The following PSG8 variants were observed in gnomAD, a reference collection of about 807,000 sequenced individuals.
The protein encoded by PSG8 is pregnancy-specific beta-1-glycoprotein 8.
Under a neutral mutation model 42.5 loss-of-function variants are expected in PSG8, and 57 were observed. The ratio of observed to expected loss-of-function variants is 1.34; its 90% CI spans 1.08 to 1.67. PSG8 has a LOEUF of 1.67. PSG8 is among the 40% of genes most tolerant of loss of function. PSG8 has a pLI of 0.00. For missense variants in PSG8, 783 were observed against 518.6 expected, an observed-to-expected ratio of 1.51 and a Z score of -4.95; for synonymous variants, 280 against 196.8, an observed-to-expected ratio of 1.42 and a Z score of -3.54.
At chr19:42,760,602 A>G (rs1285721366) in intron 2 of PSG8, among the ~76,000 whole-genome samples, 1 of 151,458 alleles carries the variant, frequency 6.6e-6, no homozygotes, top group Non-Finnish European at 1.5e-5. Context: ...TTTTTTTCTG[A>G]GACAGAGTCT....
intron 2 of PSG8, among the ~76,000 whole-genome samples, chr19:42,760,978 C>G (rs1202704665): frequency 1.3e-5 from 2 of 152,126 alleles, no homozygotes; most frequent in African/African-American, 2.4e-5. Flanking sequence ...ATATGCCTGA[C>G]AGGAAGCCAG....
At chr19:42,765,425 C>T in intron 1 of PSG8, 93 bp downstream of exon 1, 1 of 1,570,736 alleles carries the variant, frequency 6.4e-7, no homozygotes, top group Non-Finnish European at 8.7e-7. Context: ...GTGCTGGCTT[C>T]TTTCATTTTT....
intron 1 of PSG8, among the ~76,000 whole-genome samples, chr19:42,765,296 G>A (rs1970188714): frequency 6.6e-6 from 1 of 151,956 alleles, no homozygotes; most frequent in Non-Finnish European, 1.5e-5. Flanking sequence ...AGGATTAGAG[G>A]AGCACACCAC....
intron 2 of PSG8, among the ~76,000 whole-genome samples, chr19:42,761,140 A>G (rs1431667111): frequency 6.6e-6 from 1 of 152,122 alleles, no homozygotes; most frequent in African/African-American, 2.4e-5. Context: ...CAGTGACAGG[A>G]AACTAGCATG....
At chr19:42,752,965 C>G (rs1969819097), downstream of PSG8, 1 of 391,632 alleles carries the variant, frequency 2.6e-6, no homozygotes, top group South Asian at 4.1e-5. Flanking sequence ...GTTGAGATGA[C>G]ATATCTGACA....
chr19:42,754,997 T>A lies in PSG8; in HGVS notation c.979A>T (p.Asn327Tyr). The A allele has an allele frequency of 3.7e-6, 6 of 1,613,364 alleles. No homozygotes were observed. Among genetic ancestry groups the A allele is most frequent in the Non-Finnish European group, 5.1e-6 (6 of 1,179,756 alleles). Reference protein sequence around the residue: ...GGIRSYPVTLNVLYGPDLPRI... With the variant: ...GGIRSYPVTLYVLYGPDLPRI... Reference sequence around the variant, plus strand: ...AACAAAAGATACTCACAGAGGACATTCAGGGTGACTGGGTAACTGCGGATG... The same window carrying A: ...AACAAAAGATACTCACAGAGGACATACAGGGTGACTGGGTAACTGCGGATG... Residue 327 changes from asparagine (N) to tyrosine (Y), a missense_variant, in exon 4 of 5, where the codon AAT (asparagine) becomes TAT (tyrosine). Physicochemically the swap from Asn to Tyr is moderately radical, Grantham distance 143 (BLOSUM62 -2). Transcript: ENST00000306511.
intron 2 of PSG8, among the ~76,000 whole-genome samples, chr19:42,760,155 A>T (rs958331981): frequency 6.6e-6 from 1 of 151,842 alleles, no homozygotes; most frequent in Non-Finnish European, 1.5e-5. Context: ...CTAGAGTTTA[A>T]GTTTGTGTGA....
chr19:42,765,650 C>G lies in PSG8; in HGVS notation c.-69G>C. 6.3e-7 allele frequency: 1 copy of G among 1,582,428 alleles called. No homozygotes were observed. The highest frequency in any genetic ancestry group is 8.6e-7 in the Non-Finnish European group (1 of 1,158,394). ...GGATCCAGAAGCTTCCTGAGCACAG[C>G]TCTCAGCAGTGCTGTCCTGCCTCCT... is the stretch of plus-strand genomic sequence containing the variant. On this transcript the variant is annotated 5_prime_UTR_variant, in exon 1 of 5. Transcript: ENST00000306511.
At chr19:42,764,497 C>A (rs4803545) in intron 1 of PSG8, among the ~76,000 whole-genome samples, 126,562 of 151,316 alleles carry the variant, frequency 0.84, 53,543 homozygotes, top group East Asian at 1. Context: ...CAAGGTCAGC[C>A]CCATGACCCC....
intron 2 of PSG8, chr19:42,758,707 C>G (rs1222157014): frequency 1.4e-5 from 3 of 207,912 alleles, no homozygotes; most frequent in African/African-American, 6.8e-5. Context: ...CCAAGGACAT[C>G]CTAGAGATGG....
chr19:42,758,068 A>G lies in PSG8; in HGVS notation c.643T>C (p.Tyr215His). ...ACTGGGTTCCGTATTTCACATTCAT[A>G]GGGTCCTGCAGTGTACTTTGTGACA... ...LGVTKYTAGPYECEIRNPVSA... is the reference protein window; with the variant it reads ...LGVTKYTAGPHECEIRNPVSA... The change falls in exon 3 of 5, where the codon TAT becomes CAT. Residue 215 changes from tyrosine (Y) to histidine (H), a missense_variant. Physicochemically the swap from Tyr to His is moderately conservative, Grantham distance 83 (BLOSUM62 2). Coordinates refer to ENST00000306511, the MANE Select transcript of PSG8 (RefSeq NM_182707.3). 1.2e-6 allele frequency: 2 copies of G among 1,614,036 alleles called. No homozygotes were observed. Among genetic ancestry groups the G allele is most frequent in the South Asian group, 1.1e-5 (1 of 91,068 alleles).
In PSG8 at chr19:42,754,294, C is replaced by T. The variant is rs1468894429; in HGVS notation, c.*1G>A. 3 of 1,612,966 alleles carry T rather than the reference C, an allele frequency of 1.9e-6. No individual in the cohort carries two copies. Among genetic ancestry groups the T allele is most frequent in the Admixed American group, 1.7e-5 (1 of 59,936 alleles). On this transcript the variant is annotated 3_prime_UTR_variant, in exon 5 of 5. Coordinates refer to ENST00000306511, the MANE Select transcript of PSG8 (RefSeq NM_182707.3). The stretch of plus-strand genomic sequence containing the variant: ...TTCCCTGAAGGCCAGATAGACTCCA[C>T]CTAAATCCCTATTGCCAAGGATACT...
At chr19:42,756,582 A>G (rs969999197) in intron 3 of PSG8, among the ~76,000 whole-genome samples, 6 of 152,108 alleles carry the variant, frequency 3.9e-5, no homozygotes, top group East Asian at 1.9e-4. Context: ...TCAGATTAGT[A>G]GGCAAAAGTG....
At chr19:42,753,829 G>A (rs949241023), downstream of PSG8, 37 of 441,988 alleles carry the variant, frequency 8.4e-5, no homozygotes, top group South Asian at 1.6e-4. Flanking sequence ...GCAGATTGTT[G>A]CTGTACTTGT....
intron 4 of PSG8, 151 bp from the exon 5 acceptor site, chr19:42,754,738 G>T (rs1969873130): frequency 3.8e-6 from 5 of 1,300,798 alleles, no homozygotes; most frequent in East Asian, 2.5e-5. Flanking sequence ...GAATCCTCAG[G>T]TATTCACCTG....
In PSG8 at chr19:42,754,385, A is replaced by T; in HGVS notation, c.1191T>A (p.Arg397=). The change falls in exon 5 of 5, where the codon CGT becomes CGA. Residue 397 remains arginine, a synonymous_variant. Coordinates refer to ENST00000306511, the MANE Select transcript of PSG8 (RefSeq NM_182707.3). ...AGCTTTCCTTGCCAGTGGCTGAGTT[A>T]CGAACAGAGCAAGCATAGAGCCCGC... ...KHSGLYACSV[R]NSATGKESSK... is the part of the protein sequence containing the mutation. 6.2e-7 allele frequency: 1 copy of T among 1,613,840 alleles called. No individual in the cohort carries two copies. Among genetic ancestry groups the T allele is most frequent in the South Asian group, 1.1e-5 (1 of 91,064 alleles).
At position 42,764,868 on chromosome 19, in the gene PSG8, C is replaced by T. The variant is rs576475291; in HGVS notation, c.65-587G>A. ...ATGTGAGAGTTCTCAGGGCCCTCCA[C>T]GCCCTTGGTGTTTTTTTTTCCCCCC... On this transcript the variant is annotated intron_variant, in intron 1 of 4. Transcript: ENST00000306511. Among the ~76,000 whole-genome samples the T allele has an allele frequency of 6.3e-4, 96 of 152,150 alleles. 1 individual carries two copies. The highest frequency in any genetic ancestry group is 6.8e-3 in the Middle Eastern group (2 of 292).
intron 2 of PSG8, among the ~76,000 whole-genome samples, chr19:42,762,418 G>GA (rs1246023023): frequency 6.6e-6 from 1 of 152,066 alleles, no homozygotes; most frequent in African/African-American, 2.4e-5. Context: ...GTAGTGGGGG[G>GA]ATGAAACATG....
chr19:42,760,257 C>T (rs1970039299), intron 2 of PSG8, among the ~76,000 whole-genome samples: 1 of 152,124 alleles, frequency 6.6e-6, no homozygotes, highest in East Asian at 1.9e-4. Context: ...CATGAGGAAA[C>T]AGTTGTATGT....
Sources: gnomAD v4.1 joint callset for allele counts (sites outside exome capture counted in the v4.1 genomes callset) on GRCh38, gnomAD v4.1.1 for gene constraint, MANE v1.5 for transcripts, NCBI Gene and HGNC (gene_info 2026-07-23, HGNC 2026-07-21) for gene names.